The following GPC6 variants were observed in gnomAD, a reference collection of about 807,000 sequenced individuals.
GPC6 encodes glypican 6.
GPC6 carries 14 observed loss-of-function variants against 55.2 expected under a neutral mutation model. That is an observed-to-expected ratio of 0.25 (90% confidence interval 0.17 to 0.40). The LOEUF (loss-of-function observed/expected upper bound fraction) is 0.40. Among genes scored for constraint, GPC6 ranks in the 10% least tolerant of loss-of-function variants. The pLI is 1.00. For synonymous variants in GPC6, 278 were observed against 259.6 expected, an observed-to-expected ratio of 1.07 and a Z score of -0.68; for missense variants, 641 against 708.5, an observed-to-expected ratio of 0.90 and a Z score of 1.08.
intron 6 of GPC6, among the ~76,000 whole-genome samples, chr13:94,349,695 A>G (rs1251473812): frequency 6.6e-6 from 1 of 152,032 alleles, no homozygotes; most frequent in African/African-American, 2.4e-5. Flanking sequence ...TAATTCTCCA[A>G]CTGTCAAAAT....
intron 2 of GPC6, among the ~76,000 whole-genome samples, chr13:93,680,160 G>A (rs999711082): frequency 2.6e-5 from 4 of 152,086 alleles, no homozygotes; most frequent in Admixed American, 6.6e-5. Context: ...AAATGAGGTC[G>A]CCACTGTGAG....
At chr13:93,567,563 T>C (rs1477751134) in intron 2 of GPC6, among the ~76,000 whole-genome samples, 1 of 152,036 alleles carries the variant, frequency 6.6e-6, no homozygotes, top group Non-Finnish European at 1.5e-5. Flanking sequence ...GACCTCATGA[T>C]CTGCCCGCCT....
chr13:93,527,439 C>G (rs759398380), intron 1 of GPC6, among the ~76,000 whole-genome samples: 3 of 152,016 alleles, frequency 2.0e-5, no homozygotes, highest in Non-Finnish European at 4.4e-5. Flanking sequence ...CTTTGTTTCT[C>G]CCTCTTCAGA....
At chr13:94,018,836 A>AT (rs916207464) in intron 3 of GPC6, among the ~76,000 whole-genome samples, 1 of 152,090 alleles carries the variant, frequency 6.6e-6, no homozygotes, top group African/African-American at 2.4e-5. Flanking sequence ...TGTGGACCCT[A>AT]TTGTGAACTG....
intron 2 of GPC6, among the ~76,000 whole-genome samples, chr13:93,600,985 G>A (rs982943274): frequency 3.3e-5 from 5 of 151,394 alleles, no homozygotes; most frequent in Admixed American, 6.6e-5. Flanking sequence ...AAAAAACGGG[G>A]ATATGATTTC....
At chr13:94,149,312 G>C (rs9516359) in intron 4 of GPC6, among the ~76,000 whole-genome samples, 10,171 of 152,230 alleles carry the variant, frequency 0.067, 459 homozygotes, top group Non-Finnish European at 0.098. Flanking sequence ...TGGAATGCCA[G>C]CTCAGATGGC....
At chr13:94,253,641 T>A (rs1049393960) in intron 4 of GPC6, among the ~76,000 whole-genome samples, 3 of 152,092 alleles carry the variant, frequency 2.0e-5, no homozygotes, top group African/African-American at 7.2e-5. Context: ...GTGTTTTCGA[T>A]CATAGAAAAC....
intron 1 of GPC6, among the ~76,000 whole-genome samples, chr13:93,343,644 A>G (rs1452239431): frequency 6.6e-6 from 1 of 152,172 alleles, no homozygotes; most frequent in Non-Finnish European, 1.5e-5. Context: ...AGCCCAGCAT[A>G]TGAAGACCCT....
At chr13:93,552,803 A>G (rs1566419980) in intron 2 of GPC6, among the ~76,000 whole-genome samples, 1 of 152,218 alleles carries the variant, frequency 6.6e-6, no homozygotes, top group Non-Finnish European at 1.5e-5. Flanking sequence ...CTTGGTAATG[A>G]ATGTTAATGA....
chr13:93,258,495 A>G (rs1476799930), intron 1 of GPC6, among the ~76,000 whole-genome samples: 1 of 151,892 alleles, frequency 6.6e-6, no homozygotes, highest in African/African-American at 2.4e-5. Flanking sequence ...ACTTGTTCCT[A>G]CTTGTCTTCC....
At chr13:94,072,305 A>AT (rs1451657553) in intron 4 of GPC6, among the ~76,000 whole-genome samples, 1 of 152,032 alleles carries the variant, frequency 6.6e-6, no homozygotes, top group East Asian at 1.9e-4. Flanking sequence ...TTTGCTTACA[A>AT]TTTTTCCTAC....
chr13:94,076,265 T>C (rs963075377), intron 4 of GPC6, among the ~76,000 whole-genome samples: 8 of 152,044 alleles, frequency 5.3e-5, no homozygotes, highest in Non-Finnish European at 8.8e-5. Flanking sequence ...TATGTCTTCT[T>C]TGGAGAAATG....
intron 3 of GPC6, among the ~76,000 whole-genome samples, chr13:93,833,241 T>TA (rs538135045): frequency 3.2e-4 from 48 of 152,218 alleles, no homozygotes; most frequent in African/African-American, 1.1e-3. Context: ...TTAAGTATTT[T>TA]ACCAATGAAC....
At chr13:93,781,323 C>T (rs545964211) in intron 2 of GPC6, among the ~76,000 whole-genome samples, 14 of 151,618 alleles carry the variant, frequency 9.2e-5, no homozygotes, top group Non-Finnish European at 1.9e-4. Flanking sequence ...ACTTTGTCTA[C>T]TCTTTACTAA....
chr13:94,217,154 C>T (rs9524371), intron 4 of GPC6, among the ~76,000 whole-genome samples: 104,392 of 152,072 alleles, frequency 0.69, 35,914 homozygotes, highest in East Asian at 0.83. Flanking sequence ...GTGATCCACA[C>T]TTTGTAGAAT....
intron 2 of GPC6, among the ~76,000 whole-genome samples, chr13:93,768,177 G>C (rs1885182399): frequency 6.6e-6 from 1 of 152,182 alleles, no homozygotes; most frequent in African/African-American, 2.4e-5. Context: ...GGACTTGCCT[G>C]TGCCTGGCTG....
At chr13:93,972,976 T>C (rs1385399604) in intron 3 of GPC6, among the ~76,000 whole-genome samples, 2 of 151,536 alleles carry the variant, frequency 1.3e-5, no homozygotes, top group Non-Finnish European at 2.9e-5. Context: ...CCTCTCTGTC[T>C]CTCTCTCTCT....
intron 4 of GPC6, among the ~76,000 whole-genome samples, chr13:94,240,657 TAA>T (rs1198863346): frequency 6.8e-6 from 1 of 146,960 alleles, no homozygotes; most frequent in Admixed American, 6.8e-5. Flanking sequence ...ATAAAATAAA[TAA>T]AAGTCATACA....
chr13:94,018,479 T>TGG (rs1358365388), intron 3 of GPC6, among the ~76,000 whole-genome samples: 2 of 151,988 alleles, frequency 1.3e-5, no homozygotes, highest in African/African-American at 4.8e-5. Context: ...TTAGTAGAGA[T>TGG]GGGGTTTCAC....
Sources: gnomAD v4.1 joint callset for allele counts (sites outside exome capture counted in the v4.1 genomes callset) on GRCh38, gnomAD v4.1.1 for gene constraint, MANE v1.5 for transcripts, NCBI Gene and HGNC (gene_info 2026-07-23, HGNC 2026-07-21) for gene names.